LPAR3: variants seen among roughly 807,000 people sequenced by gnomAD.
LPAR3 encodes lysophosphatidic acid receptor 3, also known as LPA receptor 3.
Under a neutral mutation model 17.8 loss-of-function variants are expected in LPAR3, and 7 were observed. That is an observed-to-expected ratio of 0.39 (90% confidence interval 0.22 to 0.74). The LOEUF is 0.74. Ranked by LOEUF, LPAR3 falls within the 30% of genes least tolerant of loss-of-function variation. LPAR3 has a pLI of 0.40. For synonymous variants in LPAR3, 179 were observed against 179.9 expected, an observed-to-expected ratio of 0.99 and a Z score of 0.04; for missense variants, 391 against 453.4, an observed-to-expected ratio of 0.86 and a Z score of 1.25.
chr1:84,886,838 A>G (rs1660469434), intron 1 of LPAR3, among the ~76,000 whole-genome samples: 1 of 152,196 alleles, frequency 6.6e-6, no homozygotes, highest in Non-Finnish European at 1.5e-5. Flanking sequence ...AGAAATGCTC[A>G]ATGAATAATA....
intron 1 of LPAR3, among the ~76,000 whole-genome samples, chr1:84,889,136 G>A (rs1228756733): frequency 1.3e-5 from 2 of 152,032 alleles, no homozygotes; most frequent in Non-Finnish European, 2.9e-5. Context: ...AAGACTGGGG[G>A]TGATGAAGAG....
chr1:84,872,425 C>T (rs140289856), intron 1 of LPAR3, among the ~76,000 whole-genome samples: 136 of 152,214 alleles, frequency 8.9e-4, no homozygotes, highest in Middle Eastern at 3.4e-3. Flanking sequence ...TTCTGAAGGA[C>T]AGTCTCACAA....
At chr1:84,817,926 C>A (rs1386356798) in intron 2 of LPAR3, among the ~76,000 whole-genome samples, 1 of 152,182 alleles carries the variant, frequency 6.6e-6, no homozygotes, top group Non-Finnish European at 1.5e-5. Flanking sequence ...CCCTCCTACT[C>A]CTCCTTCACT....
intron 2 of LPAR3, among the ~76,000 whole-genome samples, chr1:84,839,199 T>A (rs924448129): frequency 6.6e-6 from 1 of 152,212 alleles, no homozygotes; most frequent in Non-Finnish European, 1.5e-5. Context: ...CAAGTCTGGA[T>A]CATATGCATC....
chr1:84,875,067 T>C (rs1244845322), intron 1 of LPAR3, among the ~76,000 whole-genome samples: 1 of 152,014 alleles, frequency 6.6e-6, no homozygotes, highest in Non-Finnish European at 1.5e-5. Flanking sequence ...GCCCGGCTAG[T>C]TTTTGTATTT....
chr1:84,813,882 A>G lies in LPAR3; in HGVS notation c.1026T>C (p.Ile342=), dbSNP rs1265672772. ...DTGSQYIEDS[I]SQGAVCNKST... ...TTTTATTGCAGACTGCACCTTGGCT[A>G]ATACTATCCTCTATGTACTGGCTGC... Residue 342 remains isoleucine, a synonymous_variant, in exon 3 of 3, where the codon ATT becomes ATC. Coordinates refer to ENST00000370611, the MANE Select transcript of LPAR3 (RefSeq NM_012152.3). 1.2e-6 allele frequency: 2 copies of G among 1,614,028 alleles called. No individual in the cohort carries two copies. The highest frequency in any genetic ancestry group is 1.7e-6 in the Non-Finnish European group (2 of 1,179,986).
At chr1:84,875,606 A>G (rs1384292012) in intron 1 of LPAR3, among the ~76,000 whole-genome samples, 1 of 152,246 alleles carries the variant, frequency 6.6e-6, no homozygotes, top group Non-Finnish European at 1.5e-5. Context: ...CCCTGTCTCC[A>G]GACTCTGAGA....
intron 1 of LPAR3, among the ~76,000 whole-genome samples, chr1:84,881,374 T>C (rs1660362136): frequency 1.3e-5 from 2 of 152,194 alleles, no homozygotes; most frequent in African/African-American, 2.4e-5. Flanking sequence ...TCATGACAAC[T>C]GTGTAGGATT....
At chr1:84,854,029 A>C (rs1390303498) in intron 2 of LPAR3, among the ~76,000 whole-genome samples, 1 of 152,126 alleles carries the variant, frequency 6.6e-6, no homozygotes, top group African/African-American at 2.4e-5. Context: ...TCATATACCC[A>C]TGTTATCTGC....
chr1:84,862,280 T>C (rs949041589), intron 2 of LPAR3, among the ~76,000 whole-genome samples: 5 of 152,234 alleles, frequency 3.3e-5, no homozygotes, highest in African/African-American at 1.2e-4. Flanking sequence ...CTTGTTCTTG[T>C]CCATTTTCTT....
intron 1 of LPAR3, among the ~76,000 whole-genome samples, chr1:84,871,802 A>T (rs1311055266): frequency 6.6e-6 from 1 of 152,194 alleles, no homozygotes; most frequent in African/African-American, 2.4e-5. Context: ...CCCTCTGCCC[A>T]GAAGACTTTT....
intron 2 of LPAR3, among the ~76,000 whole-genome samples, chr1:84,834,579 C>A (rs1241381281): frequency 6.6e-6 from 1 of 152,152 alleles, no homozygotes; most frequent in Non-Finnish European, 1.5e-5. Flanking sequence ...TTTCATGGGG[C>A]CTTTGGCAAG....
intron 1 of LPAR3, among the ~76,000 whole-genome samples, chr1:84,877,355 C>T (rs1490743840): frequency 6.6e-6 from 1 of 152,188 alleles, no homozygotes; most frequent in Non-Finnish European, 1.5e-5. Context: ...AAGTGTTGCT[C>T]TCAGAAAAGC....
intron 2 of LPAR3, among the ~76,000 whole-genome samples, chr1:84,837,242 C>T (rs747303210): frequency 1.5e-4 from 23 of 152,112 alleles, no homozygotes; most frequent in African/African-American, 5.1e-4. Context: ...AGGGTGGTCT[C>T]GATCTCCCAA....
rs1262237503 is a variant in LPAR3 at position 84,865,447 on chromosome 1, C to T, written c.674G>A (p.Ser225Asn). 1 of 1,614,058 alleles carries T rather than the reference C, an allele frequency of 6.2e-7. No homozygotes were observed. The highest frequency in any genetic ancestry group is 8.5e-7 in the Non-Finnish European group (1 of 1,180,038). ...RKTNVLSPHT[S>N]GSISRRRTPM... ...TGTCCTCCGGCGGCTGATGGACCCACTTGTATGCGGAGACAAGACGTTGGT... is the reference window on the plus strand; with the variant it reads ...TGTCCTCCGGCGGCTGATGGACCCATTTGTATGCGGAGACAAGACGTTGGT... The change falls in exon 2 of 3, where the codon AGT (serine) becomes AAT (asparagine). Residue 225 changes from serine (S) to asparagine (N), a missense_variant. By Grantham distance (46) the Ser-to-Asn change is conservative. Coordinates refer to ENST00000370611, the MANE Select transcript of LPAR3 (RefSeq NM_012152.3).
intron 2 of LPAR3, among the ~76,000 whole-genome samples, chr1:84,832,024 T>C (rs570658959): frequency 6.6e-6 from 1 of 152,210 alleles, no homozygotes; most frequent in African/African-American, 2.4e-5. Flanking sequence ...TCCAGACTCT[T>C]GGGTGGAAAC....
intron 1 of LPAR3, among the ~76,000 whole-genome samples, chr1:84,871,050 G>C (rs1174654612): frequency 6.6e-6 from 1 of 152,036 alleles, no homozygotes; most frequent in Non-Finnish European, 1.5e-5. Context: ...ATGGTAAGTA[G>C]GATACAATAT....
intron 1 of LPAR3, among the ~76,000 whole-genome samples, chr1:84,873,957 T>C (rs1456038927): frequency 6.6e-6 from 1 of 152,152 alleles, no homozygotes; most frequent in Non-Finnish European, 1.5e-5. Context: ...TTCACGGTGT[T>C]GGCCAGACTG....
At chr1:84,892,164 G>T (rs982164699) in intron 1 of LPAR3, among the ~76,000 whole-genome samples, 2 of 151,968 alleles carry the variant, frequency 1.3e-5, no homozygotes, top group Admixed American at 6.6e-5. Context: ...AGTGAGCCGA[G>T]ATCGCGCCAC....
Sources: allele counts gnomAD v4.1 joint callset (sites outside exome capture counted in the v4.1 genomes callset), GRCh38; gene constraint gnomAD v4.1.1; transcripts MANE v1.5; gene names NCBI Gene and HGNC (gene_info 2026-07-23, HGNC 2026-07-21).